The following DGKB variants were observed in gnomAD, a reference collection of about 807,000 sequenced individuals.
The protein encoded by DGKB is 90 kDa diacylglycerol kinase.
A neutral mutation model predicts 114.3 loss-of-function variants in DGKB; 67 were observed. The observed-to-expected ratio is 0.59, with a 90% CI of 0.48 to 0.72. DGKB has a LOEUF of 0.72. Ranked by LOEUF, DGKB falls within the 30% of genes least tolerant of loss-of-function variation. DGKB has a pLI of 0.00. For missense variants in DGKB, 907 were observed against 975.2 expected, an observed-to-expected ratio of 0.93 and a Z score of 0.93; for synonymous variants, 398 against 323.1, an observed-to-expected ratio of 1.23 and a Z score of -2.49.
At chr7:14,547,687 T>A (rs1794503162) in intron 20 of DGKB, among the ~76,000 whole-genome samples, 1 of 151,944 alleles carries the variant, frequency 6.6e-6, no homozygotes, top group Admixed American at 6.6e-5. Context: ...TTTTTTTTAA[T>A]GTTAAAAAAA....
At chr7:14,451,794 A>C (rs1034213781) in intron 21 of DGKB, among the ~76,000 whole-genome samples, 3 of 152,100 alleles carry the variant, frequency 2.0e-5, no homozygotes, top group Non-Finnish European at 4.4e-5. Context: ...TTAATGAACA[A>C]GATCAGCTAT....
intron 2 of DGKB, among the ~76,000 whole-genome samples, chr7:14,829,329 C>T (rs10085417): frequency 0.12 from 17,715 of 152,062 alleles, 1,998 homozygotes; most frequent in East Asian, 0.29. Flanking sequence ...CTTGTATAAT[C>T]AGATAAAAGT....
chr7:14,579,909 G>A (rs910422775), intron 19 of DGKB, among the ~76,000 whole-genome samples: 1 of 152,104 alleles, frequency 6.6e-6, no homozygotes, highest in African/African-American at 2.4e-5. Flanking sequence ...CCTTGTCTTA[G>A]TAGACACTTT....
At chr7:14,222,609 C>T (rs1362277980) in intron 23 of DGKB, among the ~76,000 whole-genome samples, 1 of 151,308 alleles carries the variant, frequency 6.6e-6, no homozygotes, top group Admixed American at 6.6e-5. Flanking sequence ...CAGTTGTTGG[C>T]TGGAGTTTTA....
chr7:14,958,602 C>T (rs1786659014), intron 1 of DGKB, among the ~76,000 whole-genome samples: 1 of 152,044 alleles, frequency 6.6e-6, no homozygotes, highest in African/African-American at 2.4e-5. Context: ...AATGCCATTT[C>T]CTTTTCTTAA....
chr7:14,767,158 A>G (rs1205089170), intron 2 of DGKB, among the ~76,000 whole-genome samples: 1 of 151,768 alleles, frequency 6.6e-6, no homozygotes, highest in Non-Finnish European at 1.5e-5. Context: ...AGAGAAAAAA[A>G]ACAGCATTCT....
intron 21 of DGKB, among the ~76,000 whole-genome samples, chr7:14,452,416 T>C (rs544178314): frequency 1.3e-5 from 2 of 152,154 alleles, no homozygotes; most frequent in Admixed American, 1.3e-4. Flanking sequence ...GAAAAATACC[T>C]GAGATCCTAG....
At chr7:14,803,538 G>A (rs577340730) in intron 2 of DGKB, among the ~76,000 whole-genome samples, 2 of 152,014 alleles carry the variant, frequency 1.3e-5, no homozygotes, top group African/African-American at 4.8e-5. Flanking sequence ...TAAATTTTTG[G>A]TCGATTTTAA....
intron 23 of DGKB, among the ~76,000 whole-genome samples, chr7:14,286,776 A>G (rs1027575320): frequency 2.0e-5 from 3 of 152,146 alleles, no homozygotes; most frequent in Non-Finnish European, 4.4e-5. Flanking sequence ...TTATAAATAC[A>G]TAAGCATATT....
chr7:14,579,681 G>A (rs987345576), intron 19 of DGKB, among the ~76,000 whole-genome samples: 2 of 151,892 alleles, frequency 1.3e-5, no homozygotes, highest in African/African-American at 4.8e-5. Flanking sequence ...TACATACTAA[G>A]CTCTTGACTT....
At chr7:14,222,757 G>A (rs61467735) in intron 23 of DGKB, among the ~76,000 whole-genome samples, 8,013 of 151,480 alleles carry the variant, frequency 0.053, 400 homozygotes, top group African/African-American at 0.11. Flanking sequence ...GTGGGATATA[G>A]AAGTCTCCAG....
chr7:14,296,760 GT>G (rs56367420), intron 23 of DGKB, among the ~76,000 whole-genome samples: 25,179 of 100,454 alleles, frequency 0.25, 3,032 homozygotes, highest in Admixed American at 0.3. Context: ...TCCAGGGACT[GT>G]TTTTTTTTTT....
intron 20 of DGKB, among the ~76,000 whole-genome samples, chr7:14,488,848 A>AAAAT (rs1554469760): frequency 6.8e-6 from 1 of 146,504 alleles, no homozygotes; most frequent in Non-Finnish European, 1.5e-5. Context: ...AAAACAAAAA[A>AAAAT]AAACAAAAAA....
intron 21 of DGKB, among the ~76,000 whole-genome samples, chr7:14,423,760 C>A (rs1244084533): frequency 1.3e-5 from 2 of 152,088 alleles, no homozygotes; most frequent in Non-Finnish European, 2.9e-5. Context: ...ACATTCATAA[C>A]TGCTCTAACC....
At chr7:14,261,215 T>TATTACGGTGGGAAAAATCTGTC (rs1271488073) in intron 23 of DGKB, among the ~76,000 whole-genome samples, 1 of 151,184 alleles carries the variant, frequency 6.6e-6, no homozygotes, top group African/African-American at 2.4e-5. Flanking sequence ...TTTAGACAAA[T>TATTACGGTGGGAAAAATCTGTC]ATTACGGTGG....
At chr7:14,156,441 T>C (rs2128219427) in intron 25 of DGKB, among the ~76,000 whole-genome samples, 1 of 152,274 alleles carries the variant, frequency 6.6e-6, no homozygotes, top group Admixed American at 6.5e-5. Flanking sequence ...AAAGGCAGTT[T>C]TGGGCTATAT....
At chr7:14,580,279 A>G (rs1351223994) in intron 19 of DGKB, among the ~76,000 whole-genome samples, 3 of 152,092 alleles carry the variant, frequency 2.0e-5, no homozygotes, top group Non-Finnish European at 4.4e-5. Context: ...ATCCTCAGTG[A>G]GGTCTTTCCC....
chr7:14,300,095 A>G (rs988843959), intron 23 of DGKB, among the ~76,000 whole-genome samples: 1 of 152,082 alleles, frequency 6.6e-6, no homozygotes, highest in African/African-American at 2.4e-5. Context: ...CTACCAAAAA[A>G]TAGTATAAAA....
chr7:14,778,926 T>G (rs1838646986), intron 2 of DGKB, among the ~76,000 whole-genome samples: 1 of 152,018 alleles, frequency 6.6e-6, no homozygotes, highest in Admixed American at 6.5e-5. Flanking sequence ...GAGGCTGAGG[T>G]GGGCAGAAAG....
Sources: gnomAD v4.1 joint callset for allele counts (sites outside exome capture counted in the v4.1 genomes callset) on GRCh38, gnomAD v4.1.1 for gene constraint, MANE v1.5 for transcripts, NCBI Gene and HGNC (gene_info 2026-07-23, HGNC 2026-07-21) for gene names.